Variants in DOCK7 observed in about 807,000 individuals in gnomAD.
DOCK7 encodes dedicator of cytokinesis 7.
Under a neutral mutation model 271.0 loss-of-function variants are expected in DOCK7, and 138 were observed. The ratio of observed to expected loss-of-function variants is 0.51; its 90% CI spans 0.44 to 0.59. The LOEUF is 0.59. Ranked by LOEUF, DOCK7 falls within the 20% of genes least tolerant of loss-of-function variation. DOCK7 has a pLI of 0.00. For missense variants in DOCK7, 2,066 were observed against 2,592.4 expected (o/e 0.80, Z 4.41); for synonymous variants, 823 against 876.1 (o/e 0.94, Z 1.07).
At chr1:62,670,791 T>A (rs1450719916) in intron 1 of DOCK7, among the ~76,000 whole-genome samples, 1 of 152,132 alleles carries the variant, frequency 6.6e-6, no homozygotes, top group African/African-American at 2.4e-5. Flanking sequence ...CAGCAGGATG[T>A]GGGTGGGGCC....
intron 1 of DOCK7, among the ~76,000 whole-genome samples, chr1:62,687,947 C>G (rs1465076222): frequency 6.6e-6 from 1 of 152,182 alleles, no homozygotes; most frequent in Non-Finnish European, 1.5e-5. Context: ...CCCGGGCCGC[C>G]GAGGAGCAGG....
chr1:62,677,436 T>C (rs1660655497), intron 1 of DOCK7, among the ~76,000 whole-genome samples: 1 of 152,030 alleles, frequency 6.6e-6, no homozygotes, highest in Non-Finnish European at 1.5e-5. Flanking sequence ...CTATCCAAGA[T>C]ACGAAGATAA....
rs910254260 is a variant in DOCK7, at chr1:62,582,603, CAAAA to C, written c.1871+577_1871+580del. On this transcript the variant is annotated intron_variant, in intron 16 of 49. Coordinates refer to ENST00000635253, the MANE Select transcript of DOCK7 (RefSeq NM_001367561.1). ...AAGATTATAAAAGAGCTGTGGGCCC[CAAAA>C]AAAAAAAGATAAAATGAATTGCTGT... Among the ~76,000 whole-genome samples, 411 of 135,460 alleles carry C rather than the reference CAAAA, an allele frequency of 3.0e-3. 5 individuals carry two copies. The highest frequency in any genetic ancestry group is 0.012 in the East Asian group (55 of 4,576). 88.9% of individuals were successfully genotyped at this position (135,460 alleles called of 152,430 possible).
At chr1:62,638,780 A>G (rs1473943093) in intron 7 of DOCK7, among the ~76,000 whole-genome samples, 12 of 151,484 alleles carry the variant, frequency 7.9e-5, no homozygotes, top group Admixed American at 4.6e-4. Flanking sequence ...ACACAAAGAG[A>G]GGAAAGCAGG....
intron 18 of DOCK7, among the ~76,000 whole-genome samples, chr1:62,571,910 A>T (rs992860845): frequency 6.6e-6 from 1 of 151,802 alleles, no homozygotes; most frequent in Non-Finnish European, 1.5e-5. Context: ...CGTTGGGGGG[A>T]GTGTGGGGAA....
intron 33 of DOCK7, among the ~76,000 whole-genome samples, chr1:62,512,897 C>G (rs912167527): frequency 6.6e-6 from 1 of 150,552 alleles, no homozygotes; most frequent in African/African-American, 2.5e-5. Context: ...GGTGACAGAG[C>G]GAGAATCTGT....
chr1:62,458,316 TG>T (rs1215656849), intron 48 of DOCK7: 1 of 152,220 alleles, frequency 6.6e-6, no homozygotes, highest in African/African-American at 2.4e-5. Flanking sequence ...AATCATCTTT[TG>T]TTTTAGGTTT....
intron 1 of DOCK7, among the ~76,000 whole-genome samples, chr1:62,666,464 C>T (rs1659335661): frequency 6.6e-6 from 1 of 152,066 alleles, no homozygotes; most frequent in South Asian, 2.1e-4. Context: ...TGTGATAATG[C>T]AACAAGAACC....
intron 4 of DOCK7, among the ~76,000 whole-genome samples, chr1:62,649,395 T>C (rs986461033): frequency 1.3e-5 from 2 of 152,150 alleles, no homozygotes; most frequent in African/African-American, 4.8e-5. Context: ...TTACATGATA[T>C]TAACATCACT....
chr1:62,503,043 A>G (rs1031403964), intron 37 of DOCK7, among the ~76,000 whole-genome samples: 2 of 152,206 alleles, frequency 1.3e-5, no homozygotes, highest in East Asian at 3.8e-4. Flanking sequence ...AAAATAGAAT[A>G]AAGGTTTTAA....
chr1:62,550,099 G>C (rs1571501751), intron 22 of DOCK7, among the ~76,000 whole-genome samples: 2 of 152,092 alleles, frequency 1.3e-5, no homozygotes, highest in African/African-American at 4.8e-5. Flanking sequence ...GCTTTCAAAT[G>C]AGAGGAATCA....
At chr1:62,593,407 T>C (rs1648750062) in intron 14 of DOCK7, among the ~76,000 whole-genome samples, 1 of 151,984 alleles carries the variant, frequency 6.6e-6, no homozygotes, top group Non-Finnish European at 1.5e-5. Flanking sequence ...CCGTCTCTAC[T>C]AAAAATACAA....
chr1:62,679,739 T>C (rs932300664), intron 1 of DOCK7, among the ~76,000 whole-genome samples: 29 of 152,154 alleles, frequency 1.9e-4, no homozygotes, highest in African/African-American at 6.8e-4. Context: ...CTAATAAACA[T>C]TGCTGTAGCA....
Position 62,544,861 on chromosome 1 carries a change from C to A in DOCK7, c.2859+86G>T. 7 of 1,026,988 alleles carry A rather than the reference C, an allele frequency of 6.8e-6. No individual in the cohort carries two copies. The South Asian group carries it at 7.6e-5, about 11-fold the overall frequency. The allele number at this position is 1,026,988 out of a possible 1,614,324, so 63.6% of individuals were successfully genotyped here. A position where few individuals can be genotyped will look rare whatever the true frequency, so the allele number is the denominator to read the frequency against. On this transcript the variant is annotated intron_variant, in intron 23 of 49. Transcript: ENST00000635253. Reference sequence around the variant, plus strand: ...TTTTTAATGATTAAAAAAAGCAAGCCACTGAAATCATAGTATATACTAAAA... The same window carrying A: ...TTTTTAATGATTAAAAAAAGCAAGCAACTGAAATCATAGTATATACTAAAA...
At position 62,509,399 on chromosome 1, in the gene DOCK7, A is replaced by G. The variant is rs565948649; in HGVS notation, c.4379+1178T>C. Among the ~76,000 whole-genome samples, 428 of 152,200 alleles carry G rather than the reference A, an allele frequency of 2.8e-3. 5 individuals are homozygous for G. In the South Asian group the frequency reaches 0.037, roughly 13 times the overall value. On this transcript the variant is annotated intron_variant, in intron 34 of 49. Coordinates refer to ENST00000635253, the MANE Select transcript of DOCK7 (RefSeq NM_001367561.1). ...GTTCAAACTTAAAATTTCCAGTGACATTTTATAAAGAAACATAAGATGGTT... is the reference window on the plus strand; with the variant it reads ...GTTCAAACTTAAAATTTCCAGTGACGTTTTATAAAGAAACATAAGATGGTT...
At chr1:62,638,041 G>T (rs766485689) in intron 7 of DOCK7, among the ~76,000 whole-genome samples, 1 of 152,112 alleles carries the variant, frequency 6.6e-6, no homozygotes, top group Non-Finnish European at 1.5e-5. Context: ...GATACTGTCG[G>T]TCCATTTATT....
intron 48 of DOCK7, among the ~76,000 whole-genome samples, chr1:62,460,190 G>A (rs181369102): frequency 6.6e-6 from 1 of 150,888 alleles, no homozygotes; most frequent in African/African-American, 2.4e-5. Context: ...TCAAGGCTGG[G>A]ATACCAAAAC....
rs1212772040 is a variant in DOCK7, at chr1:62,535,354, G to C, written c.3611+139C>G. ...GATTAAACAGATAAATAATATAAGT[G>C]AGAAACTTAGTGAAGAGGGAAGTAG... is the stretch of plus-strand genomic sequence containing the variant. On this transcript the variant is annotated intron_variant, in intron 29 of 49. Coordinates refer to ENST00000635253, the MANE Select transcript of DOCK7 (RefSeq NM_001367561.1). The C allele has an allele frequency of 7.5e-6, 5 of 668,426 alleles. No individual in the cohort carries two copies. The Admixed American group carries it at 1.0e-4, about 14-fold the overall frequency. 41.4% of individuals were successfully genotyped at this position (668,426 alleles called of 1,614,324 possible).
Position 62,604,027 on chromosome 1 carries a change from T to C in DOCK7, c.1682+14679A>G, listed in dbSNP as rs752858126. 7 of 1,613,128 alleles carry C rather than the reference T, an allele frequency of 4.3e-6. No homozygotes were observed. The South Asian group carries it at 7.7e-5, about 18-fold the overall frequency. On this transcript the variant is annotated intron_variant, in intron 14 of 49. Transcript: ENST00000635253. ...CCATAGTGAAGCAATCTAATTATGT[T>C]TTACGAATTGAGTTGGAAGACTGGA...
Sources: gnomAD v4.1 joint callset for allele counts (sites outside exome capture counted in the v4.1 genomes callset) on GRCh38, gnomAD v4.1.1 for gene constraint, MANE v1.5 for transcripts, NCBI Gene and HGNC (gene_info 2026-07-23, HGNC 2026-07-21) for gene names.